Variants in OR14A16 observed in about 807,000 individuals in gnomAD.
The protein encoded by OR14A16 is olfactory receptor 14A16.
For missense variants in OR14A16, 341 were observed against 366.5 expected (o/e 0.93, Z 0.57); for synonymous variants, 135 against 137.6 (o/e 0.98, Z 0.13).
At chr1:247,823,932 T>A (rs936021222) in intron 1 of OR14A16, 21 bp downstream of exon 1, 10 of 152,168 alleles carry the variant, frequency 6.6e-5, no homozygotes, top group African/African-American at 2.4e-4. Flanking sequence ...GCTGTAAAAT[T>A]TAATACCGTT....
intron 1 of OR14A16, among the ~76,000 whole-genome samples, chr1:247,819,944 A>G (rs10788725): frequency 0.69 from 105,398 of 152,102 alleles, 37,555 homozygotes; most frequent in East Asian, 1. Flanking sequence ...TATGAAAGGA[A>G]TTGTATTAAA....
rs1041223325 is a variant in OR14A16 at position 247,820,879 on chromosome 1, C to A, written c.-130-1702G>T. Among the ~76,000 whole-genome samples the A allele has an allele frequency of 3.4e-5, 5 of 147,856 alleles. No homozygotes were observed. In the South Asian group the frequency reaches 6.4e-4, roughly 19 times the overall value. On this transcript the variant is annotated intron_variant, in intron 1 of 2. Transcript: ENST00000641093. ...CCGTCTCAAAAAAAAAAAAAAAAATCTTTATTTTTCATGTAGGCATTGGTG... is the reference window on the plus strand; with the variant it reads ...CCGTCTCAAAAAAAAAAAAAAAAATATTTATTTTTCATGTAGGCATTGGTG...
chr1:247,820,872 A>AG (rs1349908159), intron 1 of OR14A16, among the ~76,000 whole-genome samples: 1 of 152,116 alleles, frequency 6.6e-6, no homozygotes, highest in Non-Finnish European at 1.5e-5. Context: ...AAAAAAAAAA[A>AG]AAAAATCTTT....
At chr1:247,822,479 C>CTAGTGGCCTCG (rs1553333284) in intron 1 of OR14A16, among the ~76,000 whole-genome samples, 4 of 174 alleles carry the variant, frequency 0.023, 1 homozygote, top group African/African-American at 0.054. Context: ...GGGACTTGCA[C>CTAGTGGCCTCG]CAAGGGCTCT....
At chr1:247,820,002 C>T (rs12126730) in intron 1 of OR14A16, among the ~76,000 whole-genome samples, 22,157 of 152,148 alleles carry the variant, frequency 0.15, 1,866 homozygotes, top group Non-Finnish European at 0.19. Context: ...GTCCTTCATT[C>T]TGTTAATGTA....
chr1:247,817,632 T>C (rs1403178824), intron 2 of OR14A16, among the ~76,000 whole-genome samples: 2 of 152,202 alleles, frequency 1.3e-5, no homozygotes, highest in African/African-American at 4.8e-5. Context: ...GATGATTCTG[T>C]CTGACTGAGC....
In OR14A16 at chr1:247,814,851, G is replaced by T; in HGVS notation, c.879C>A (p.Ala293=). ...TCAACATCCCCAGAGCCACCTTTAT[G>T]GCCTTGTTTCTCAAACTGTATATAA... ...NPIIYSLRNK[A]IKVALGMLIK... Residue 293 remains alanine (A), a synonymous_variant, in exon 3 of 3, where the codon GCC becomes GCA. Coordinates refer to ENST00000641093, the MANE Select transcript of OR14A16 (RefSeq NM_001001966.2). The T allele has an allele frequency of 6.2e-7, 1 of 1,602,800 alleles. No homozygotes were observed. Among genetic ancestry groups the T allele is most frequent in the South Asian group, 1.1e-5 (1 of 87,588 alleles).
chr1:247,817,980 A>G (rs1340836786), intron 2 of OR14A16, among the ~76,000 whole-genome samples: 4 of 152,156 alleles, frequency 2.6e-5, no homozygotes, highest in African/African-American at 9.7e-5. Flanking sequence ...CTGTGTGTGA[A>G]GTTCACTCAC....
rs1403617363 is a variant in OR14A16, at chr1:247,815,085, G to C, written c.645C>G (p.Thr215=). ...TGACTGTAGAGAAGACGTGGACATA[G>C]GTAATGATGATGACAATAAAACAGC... ...DFCCFIVIII[T]YVHVFSTVKK... is the part of the protein sequence containing the mutation. The change falls in exon 3 of 3, where the codon ACC becomes ACG. Residue 215 remains threonine, a synonymous_variant. Coordinates refer to ENST00000641093, the MANE Select transcript of OR14A16 (RefSeq NM_001001966.2). 3.1e-6 allele frequency: 5 copies of C among 1,613,778 alleles called. No homozygotes were observed. The highest frequency in any genetic ancestry group is 4.2e-6 in the Non-Finnish European group (5 of 1,179,856).
At chr1:247,822,050 CTT>C (rs1558336193) in intron 1 of OR14A16, among the ~76,000 whole-genome samples, 1 of 152,108 alleles carries the variant, frequency 6.6e-6, no homozygotes, top group African/African-American at 2.4e-5. Flanking sequence ...TTTTAAGTCT[CTT>C]ATATCACAAT....
intron 1 of OR14A16, among the ~76,000 whole-genome samples, chr1:247,821,426 T>G (rs1335002425): frequency 2.6e-5 from 4 of 152,244 alleles, no homozygotes; most frequent in Non-Finnish European, 5.9e-5. Context: ...ATTTGCTTTA[T>G]ATATTTGGTA....
rs577712203 is a variant in OR14A16 at position 247,815,801 on chromosome 1, A to AAT, written c.-15-59_-15-58dup. 11 of 686,518 alleles carry AAT rather than the reference A, an allele frequency of 1.6e-5. No homozygotes were observed. In the African/African-American group the frequency reaches 1.6e-4, roughly 10 times the overall value. The allele number at this position is 686,518 out of a possible 1,614,324, so 42.5% of individuals were successfully genotyped here. On this transcript the variant is annotated intron_variant, in intron 2 of 2. Transcript: ENST00000641093. ...ATCAATGTCCACTCTTTAAATATTA[A>AAT]ATATATATAACACATATATTATTTA...
intron 1 of OR14A16, among the ~76,000 whole-genome samples, chr1:247,822,750 T>A (rs1487599968): frequency 2.6e-5 from 4 of 152,176 alleles, no homozygotes; most frequent in African/African-American, 9.7e-5. Context: ...TCACACAACA[T>A]CTAATAATCT....
chr1:247,817,891 G>T (rs1176117521), intron 2 of OR14A16, among the ~76,000 whole-genome samples: 1 of 151,846 alleles, frequency 6.6e-6, no homozygotes, highest in African/African-American at 2.4e-5. Flanking sequence ...ACTATAATGT[G>T]CCAAAAGTAT....
rs1012014646 is a variant in OR14A16, at chr1:247,815,360, T to C, written c.370A>G (p.Ile124Val). The change falls in exon 3 of 3, where the codon ATA becomes GTA. Residue 124 changes from isoleucine (I) to valine (V), a missense_variant. By Grantham distance (29) the Ile-to-Val change is conservative. Transcript: ENST00000641093. ...TVMSFDRYTA[I>V]CHPLHYDVIM... The stretch of plus-strand genomic sequence containing the variant: ...ACATCATAGTGCAGAGGGTGACATA[T>C]AGCAGTATAGCGGTCAAAGGACATC... 2.4e-5 allele frequency: 38 copies of C among 1,613,906 alleles called. No individual in the cohort carries two copies. The highest frequency in any genetic ancestry group is 3.2e-5 in the Non-Finnish European group (38 of 1,179,970).
At chr1:247,817,527 T>A (rs1461042336) in intron 2 of OR14A16, among the ~76,000 whole-genome samples, 2 of 152,164 alleles carry the variant, frequency 1.3e-5, no homozygotes, top group African/African-American at 4.8e-5. Context: ...TAAAAAAGCA[T>A]ATGATTACTA....
chr1:247,817,218 G>T (rs1350779600), intron 2 of OR14A16, among the ~76,000 whole-genome samples: 1 of 152,016 alleles, frequency 6.6e-6, no homozygotes, highest in Non-Finnish European at 1.5e-5. Context: ...TAAATATTGT[G>T]CCTGTTCTCT....
Position 247,819,122 on chromosome 1 carries a change from G to A in OR14A16, c.-75C>T, listed in dbSNP as rs989341240. ...ATGTCTTCTGAGGCTTGTTTTCAAT[G>A]CTTCTTTATTCATTTATAGAGTGCT... is the stretch of plus-strand genomic sequence containing the variant. On this transcript the variant is annotated 5_prime_UTR_variant, in exon 2 of 3. Coordinates refer to ENST00000641093, the MANE Select transcript of OR14A16 (RefSeq NM_001001966.2). 6.6e-6 allele frequency: 1 copy of A among 152,132 alleles called. No homozygotes were observed. The highest frequency in any genetic ancestry group is 2.4e-5 in the African/African-American group (1 of 41,418). The allele number at this position is 152,132 out of a possible 1,614,324, so 9.4% of individuals were successfully genotyped here.
chr1:247,815,850 C>A, intron 2 of OR14A16, 106 bp from the exon 3 acceptor site: 1 of 531,928 alleles, frequency 1.9e-6, no homozygotes, highest in Non-Finnish European at 3.3e-6. Context: ...CACACACGTA[C>A]CACACGTATG....
Sources: gnomAD v4.1 joint callset for allele counts (sites outside exome capture counted in the v4.1 genomes callset) on GRCh38, gnomAD v4.1.1 for gene constraint, MANE v1.5 for transcripts, NCBI Gene and HGNC (gene_info 2026-07-23, HGNC 2026-07-21) for gene names.